AGBL4: variants seen among roughly 807,000 people sequenced by gnomAD.
The protein encoded by AGBL4 is cytosolic carboxypeptidase 6.
Under a neutral mutation model 66.4 loss-of-function variants are expected in AGBL4, and 58 were observed. The ratio of observed to expected loss-of-function variants is 0.87; its 90% confidence interval spans 0.71 to 1.09. The LOEUF is 1.09. AGBL4 is among the 50% of genes least tolerant of loss of function. AGBL4 has a pLI of 0.00. For synonymous variants in AGBL4, 234 were observed against 222.9 expected (o/e 1.05, Z -0.44); for missense variants, 579 against 631.0 (o/e 0.92, Z 0.88).
intron 2 of AGBL4, among the ~76,000 whole-genome samples, chr1:49,817,813 A>G (rs1310410896): frequency 3.9e-5 from 6 of 152,348 alleles, no homozygotes; most frequent in African/African-American, 9.6e-5. Flanking sequence ...GAGTAGTAAC[A>G]TCAATTTCCC....
intron 1 of AGBL4, among the ~76,000 whole-genome samples, chr1:49,935,151 G>A (rs1434503071): frequency 3.3e-5 from 5 of 152,232 alleles, no homozygotes; most frequent in Non-Finnish European, 5.9e-5. Flanking sequence ...TTTTCCGATG[G>A]GCTTAAAAAA....
intron 3 of AGBL4, among the ~76,000 whole-genome samples, chr1:49,389,093 T>C: frequency 6.6e-6 from 1 of 152,102 alleles, no homozygotes; most frequent in Admixed American, 6.6e-5. Context: ...GTAACTAGAA[T>C]TGGCTTGCTT....
intron 2 of AGBL4, among the ~76,000 whole-genome samples, chr1:49,746,102 C>T (rs1161607507): frequency 6.6e-6 from 1 of 151,950 alleles, no homozygotes; most frequent in Non-Finnish European, 1.5e-5. Context: ...TTATTAGACA[C>T]ACAGTTTATT....
intron 3 of AGBL4, among the ~76,000 whole-genome samples, chr1:49,630,620 C>A (rs77488274): frequency 0.081 from 12,283 of 152,192 alleles, 699 homozygotes; most frequent in African/African-American, 0.17. Context: ...TACTTTCTAG[C>A]CTGTTTAATC....
chr1:49,364,194 A>T (rs1644197770), intron 3 of AGBL4, among the ~76,000 whole-genome samples: 1 of 152,228 alleles, frequency 6.6e-6, no homozygotes, highest in African/African-American at 2.4e-5. Context: ...ATTCATATTT[A>T]AAAAGGACTC....
intron 2 of AGBL4, among the ~76,000 whole-genome samples, chr1:49,812,995 A>C (rs953215458): frequency 6.6e-6 from 1 of 152,196 alleles, no homozygotes; most frequent in Admixed American, 6.6e-5. Context: ...TGAACTAAAA[A>C]GCGCATCACC....
At chr1:49,713,096 A>T (rs1278290879) in intron 2 of AGBL4, among the ~76,000 whole-genome samples, 1 of 152,084 alleles carries the variant, frequency 6.6e-6, no homozygotes, top group Admixed American at 6.6e-5. Flanking sequence ...ATTCAGGCTC[A>T]TAGGAGAAAC....
intron 4 of AGBL4, among the ~76,000 whole-genome samples, chr1:49,050,068 C>G (rs905799203): frequency 6.6e-6 from 1 of 152,070 alleles, no homozygotes; most frequent in African/African-American, 2.4e-5. Flanking sequence ...TGGCACAACA[C>G]TCGATCCTGC....
chr1:49,437,596 C>G (rs1048384499), intron 3 of AGBL4, among the ~76,000 whole-genome samples: 3 of 152,124 alleles, frequency 2.0e-5, no homozygotes, highest in Non-Finnish European at 2.9e-5. Context: ...GTACTTGAGT[C>G]ACCACCCAGG....
intron 2 of AGBL4, among the ~76,000 whole-genome samples, chr1:49,770,059 G>A (rs969577783): frequency 2.0e-5 from 3 of 152,082 alleles, no homozygotes; most frequent in Non-Finnish European, 2.9e-5. Context: ...AAATATTTCG[G>A]CTGGGCGCGG....
At chr1:49,853,976 A>C (rs1341693423) in intron 1 of AGBL4, among the ~76,000 whole-genome samples, 1 of 152,100 alleles carries the variant, frequency 6.6e-6, no homozygotes, top group African/African-American at 2.4e-5. Flanking sequence ...ATATAAACTA[A>C]GATCCACACA....
At chr1:49,955,361 G>C (rs1656509267) in intron 1 of AGBL4, among the ~76,000 whole-genome samples, 1 of 151,894 alleles carries the variant, frequency 6.6e-6, no homozygotes, top group Non-Finnish European at 1.5e-5. Flanking sequence ...ACAGAAAACA[G>C]AATTACATTG....
At chr1:48,604,131 T>TCAAAACAAAA (rs56655236) in intron 9 of AGBL4, among the ~76,000 whole-genome samples, 11,704 of 150,452 alleles carry the variant, frequency 0.078, 508 homozygotes, top group African/African-American at 0.091. Context: ...AGACTTCATC[T>TCAAAACAAAA]CAAAACAAAA....
At chr1:50,011,186 T>C (rs1185608394) in intron 1 of AGBL4, among the ~76,000 whole-genome samples, 2 of 152,128 alleles carry the variant, frequency 1.3e-5, no homozygotes, top group Admixed American at 6.5e-5. Context: ...AACAACTCTA[T>C]AGGAAAAAAG....
intron 2 of AGBL4, among the ~76,000 whole-genome samples, chr1:49,827,831 G>A (rs1295749907): frequency 6.6e-6 from 1 of 152,178 alleles, no homozygotes. Context: ...AGACTGGGGA[G>A]AAATAAAGTT....
intron 3 of AGBL4, among the ~76,000 whole-genome samples, chr1:49,604,546 T>C (rs920502504): frequency 7.9e-5 from 12 of 152,224 alleles, no homozygotes; most frequent in African/African-American, 2.7e-4. Flanking sequence ...GATGACTATT[T>C]ATTTTGCTGT....
chr1:49,477,325 G>A (rs1283738485), intron 3 of AGBL4, among the ~76,000 whole-genome samples: 2 of 152,200 alleles, frequency 1.3e-5, no homozygotes, highest in African/African-American at 2.4e-5. Flanking sequence ...GACTGCAGAG[G>A]TTTTTGTGTC....
At chr1:48,602,068 T>A (rs1425235065) in intron 9 of AGBL4, among the ~76,000 whole-genome samples, 2 of 152,120 alleles carry the variant, frequency 1.3e-5, no homozygotes, top group East Asian at 3.9e-4. Context: ...TAGGGCACCC[T>A]CAGGCACATA....
rs184160604 is a variant in AGBL4, at chr1:48,809,304, C to A, written c.634+57887G>T. On this transcript the variant is annotated intron_variant, in intron 6 of 13. Transcript: ENST00000371839. ...ATGAACATTTGTCCCATTTATAGAT[C>A]GGAAAAAGGTGTGACTTTGGTTGTG... Among the ~76,000 whole-genome samples the A allele has an allele frequency of 3.2e-3, 489 of 152,178 alleles. 3 individuals are homozygous for A. Among genetic ancestry groups the A allele is most frequent in the African/African-American group, 0.011 (437 of 41,518 alleles).
Sources: gnomAD v4.1 joint callset for allele counts (sites outside exome capture counted in the v4.1 genomes callset) on GRCh38, gnomAD v4.1.1 for gene constraint, MANE v1.5 for transcripts, NCBI Gene and HGNC (gene_info 2026-07-23, HGNC 2026-07-21) for gene names.